ADAMTSL1: variants seen among roughly 807,000 people sequenced by gnomAD.
ADAMTSL1 encodes the protein ADAMTS-like protein 1.
Under a neutral mutation model 201.8 loss-of-function variants are expected in ADAMTSL1, and 126 were observed. The ratio of observed to expected loss-of-function variants is 0.62; its 90% CI spans 0.54 to 0.72. The LOEUF (loss-of-function observed/expected upper bound fraction) is 0.72. Among genes scored for constraint, ADAMTSL1 ranks in the 30% least tolerant of loss-of-function variants. ADAMTSL1 has a pLI of 0.00. For synonymous variants in ADAMTSL1, 1,121 were observed against 903.4 expected, an observed-to-expected ratio of 1.24 and a Z score of -4.32; for missense variants, 2,679 against 2,277.8, an observed-to-expected ratio of 1.18 and a Z score of -3.59.
At chr9:18,515,107 TA>T (rs968128449) in intron 2 of ADAMTSL1, among the ~76,000 whole-genome samples, 12 of 152,110 alleles carry the variant, frequency 7.9e-5, no homozygotes, top group African/African-American at 2.6e-4. Flanking sequence ...GGAAAGCTTT[TA>T]AAAAAAATAC....
intron 4 of ADAMTSL1, among the ~76,000 whole-genome samples, chr9:18,575,320 A>C (rs1822641021): frequency 6.6e-6 from 1 of 152,144 alleles, no homozygotes. Flanking sequence ...TAAAATCATG[A>C]GGCAGAGAAA....
At chr9:18,894,392 T>C (rs1477411100) in intron 26 of ADAMTSL1, among the ~76,000 whole-genome samples, 1 of 147,040 alleles carries the variant, frequency 6.8e-6, no homozygotes, top group African/African-American at 2.5e-5. Flanking sequence ...AGTATAGTGA[T>C]CAAATTGGCA....
At chr9:18,798,095 GA>G (rs35077159) in intron 20 of ADAMTSL1, among the ~76,000 whole-genome samples, 43,551 of 141,802 alleles carry the variant, frequency 0.31, 6,690 homozygotes, top group South Asian at 0.37. Context: ...GGCCAAAGAG[GA>G]AAAAAAAAAA....
intron 4 of ADAMTSL1, among the ~76,000 whole-genome samples, chr9:18,613,016 A>C (rs1460224980): frequency 2.0e-5 from 3 of 152,194 alleles, no homozygotes; most frequent in African/African-American, 7.2e-5. Flanking sequence ...ACAAATTTAT[A>C]AGAAAAAAAC....
chr9:18,870,111 G>A (rs568237011), intron 23 of ADAMTSL1, among the ~76,000 whole-genome samples: 23 of 152,054 alleles, frequency 1.5e-4, no homozygotes, highest in Admixed American at 5.2e-4. Context: ...ACTGATACAT[G>A]CCATCTGTTC....
At chr9:17,947,777 T>C (rs1827569219) in intron 1 of ADAMTSL1, among the ~76,000 whole-genome samples, 1 of 152,194 alleles carries the variant, frequency 6.6e-6, no homozygotes, top group African/African-American at 2.4e-5. Context: ...ATTGCTTCAT[T>C]TTTCTTATGT....
At chr9:18,178,259 G>T (rs374512867) in intron 2 of ADAMTSL1, among the ~76,000 whole-genome samples, 2 of 152,188 alleles carry the variant, frequency 1.3e-5, no homozygotes, top group Non-Finnish European at 2.9e-5. Context: ...CAAAGAAAGG[G>T]GTGACAGACG....
chr9:18,116,288 T>C (rs933367455), intron 1 of ADAMTSL1, among the ~76,000 whole-genome samples: 11 of 152,156 alleles, frequency 7.2e-5, no homozygotes, highest in Non-Finnish European at 1.5e-4. Flanking sequence ...ATCCAGTAGC[T>C]TCAAGAGATG....
At chr9:18,533,866 C>G (rs1587484171) in intron 3 of ADAMTSL1, among the ~76,000 whole-genome samples, 1 of 151,972 alleles carries the variant, frequency 6.6e-6, no homozygotes, top group Non-Finnish European at 1.5e-5. Flanking sequence ...TCTTTGTGGG[C>G]TAAAATAGAG....
At chr9:17,950,961 T>C (rs1310283373) in intron 1 of ADAMTSL1, among the ~76,000 whole-genome samples, 2 of 152,122 alleles carry the variant, frequency 1.3e-5, no homozygotes, top group African/African-American at 4.8e-5. Context: ...CCCAGGGTTA[T>C]TGTTTCCTAG....
chr9:18,756,602 G>A (rs1210996895), intron 16 of ADAMTSL1, among the ~76,000 whole-genome samples: 1 of 152,200 alleles, frequency 6.6e-6, no homozygotes, highest in Non-Finnish European at 1.5e-5. Flanking sequence ...ACTGGGAAAA[G>A]GGAACTTGGT....
At chr9:18,172,562 G>C (rs1043894052) in intron 2 of ADAMTSL1, among the ~76,000 whole-genome samples, 1 of 152,070 alleles carries the variant, frequency 6.6e-6, no homozygotes, top group Non-Finnish European at 1.5e-5. Flanking sequence ...CCACTTTAAA[G>C]AGCAACTTGG....
At chr9:18,228,842 G>GTT (rs57580462) in intron 2 of ADAMTSL1, among the ~76,000 whole-genome samples, 11 of 139,970 alleles carry the variant, frequency 7.9e-5, no homozygotes, top group Middle Eastern at 3.6e-3. Flanking sequence ...GAGTTTTTTT[G>GTT]TTTTTTTTTT....
chr9:18,370,309 C>T (rs1045842693), intron 2 of ADAMTSL1, among the ~76,000 whole-genome samples: 20 of 151,720 alleles, frequency 1.3e-4, no homozygotes, highest in African/African-American at 4.8e-4. Context: ...ACTGGGGACT[C>T]CAAAGGGGAG....
chr9:18,840,944 A>T (rs1214698176), intron 23 of ADAMTSL1, among the ~76,000 whole-genome samples: 1 of 147,098 alleles, frequency 6.8e-6, no homozygotes, highest in Admixed American at 6.9e-5. Context: ...GGGCTGAGAC[A>T]ATGGGGTTTT....
intron 1 of ADAMTSL1, among the ~76,000 whole-genome samples, chr9:18,501,614 CA>C (rs1264411954): frequency 6.7e-6 from 1 of 149,298 alleles, no homozygotes; most frequent in Non-Finnish European, 1.5e-5. Context: ...CTGCAATAAA[CA>C]AATACTTCTA....
intron 2 of ADAMTSL1, among the ~76,000 whole-genome samples, chr9:18,241,644 A>T (rs1187775895): frequency 2.6e-5 from 4 of 152,212 alleles, no homozygotes; most frequent in Admixed American, 1.3e-4. Context: ...TAGTCTAAAC[A>T]AAAAGGAAAA....
intron 23 of ADAMTSL1, among the ~76,000 whole-genome samples, chr9:18,883,966 A>G (rs555917704): frequency 1.3e-5 from 2 of 152,294 alleles, no homozygotes; most frequent in African/African-American, 4.8e-5. Context: ...TGATAATCCT[A>G]TATTTAATTT....
intron 1 of ADAMTSL1, among the ~76,000 whole-genome samples, chr9:18,125,039 A>G (rs1045566342): frequency 2.7e-5 from 4 of 148,844 alleles, no homozygotes; most frequent in Admixed American, 6.6e-5. Context: ...CTGTTAAAAA[A>G]CAAAACAAAT....
Sources: gnomAD v4.1 joint callset for allele counts (sites outside exome capture counted in the v4.1 genomes callset) on GRCh38, gnomAD v4.1.1 for gene constraint, MANE v1.5 for transcripts, NCBI Gene and HGNC (gene_info 2026-07-23, HGNC 2026-07-21) for gene names.